SPAG16: variants seen among roughly 807,000 people sequenced by gnomAD.
SPAG16 encodes sperm associated antigen 16, also known as sperm-associated antigen 16 protein.
SPAG16 carries 86 observed loss-of-function variants against 80.4 expected under a neutral mutation model. The ratio of observed to expected loss-of-function variants is 1.07; its 90% CI spans 0.90 to 1.28. SPAG16 has a LOEUF of 1.28. Ranked by LOEUF, SPAG16 falls within the 50% of genes most tolerant of loss-of-function variation. The pLI is 0.00. For missense variants in SPAG16, 870 were observed against 765.3 expected (o/e 1.14, Z -1.61); for synonymous variants, 294 against 265.9 (o/e 1.11, Z -1.03).
intron 6 of SPAG16, among the ~76,000 whole-genome samples, chr2:213,341,060 T>C (rs1208875512): frequency 6.6e-6 from 1 of 152,204 alleles, no homozygotes; most frequent in African/African-American, 2.4e-5. Flanking sequence ...TTAGATTACA[T>C]GTTTTTTTCG....
At position 213,797,005 on chromosome 2, in the gene SPAG16, C is replaced by T. The variant is rs367707564; in HGVS notation, c.1071-65480C>T. Among the ~76,000 whole-genome samples, 6 of 150,450 alleles carry T rather than the reference C, an allele frequency of 4.0e-5. No homozygotes were observed. In the East Asian group the frequency reaches 5.8e-4, roughly 15 times the overall value. ...GATGATCCTGACACGCTGTGTAGGCCTGAGCTAATGTGTACATCTTAAGTT... is the reference window on the plus strand; with the variant it reads ...GATGATCCTGACACGCTGTGTAGGCTTGAGCTAATGTGTACATCTTAAGTT... On this transcript the variant is annotated intron_variant, in intron 10 of 15. Transcript: ENST00000331683.
At chr2:214,125,995 CTTCT>C (rs1374672461) in intron 14 of SPAG16, among the ~76,000 whole-genome samples, 118 of 130,406 alleles carry the variant, frequency 9.0e-4, no homozygotes, top group African/African-American at 3.2e-3. Context: ...CTTTTCCTTC[CTTCT>C]TTCCTTCCTT....
At chr2:213,449,651 A>T (rs1011199858) in intron 9 of SPAG16, among the ~76,000 whole-genome samples, 6 of 152,200 alleles carry the variant, frequency 3.9e-5, no homozygotes, top group African/African-American at 1.4e-4. Context: ...CCCCCAATAG[A>T]TAGGAGGGTG....
intron 14 of SPAG16, among the ~76,000 whole-genome samples, chr2:214,140,237 C>T (rs2055279878): frequency 6.7e-6 from 1 of 149,042 alleles, no homozygotes. Context: ...TCACCAGTTC[C>T]AAACTTGTAA....
chr2:213,628,590 A>G (rs2062038909), intron 10 of SPAG16, among the ~76,000 whole-genome samples: 1 of 152,224 alleles, frequency 6.6e-6, no homozygotes, highest in Non-Finnish European at 1.5e-5. Flanking sequence ...TTTATTTTAC[A>G]TATCATCACA....
Position 213,659,497 on chromosome 2 carries a change from A to G in SPAG16, c.1070+169407A>G, listed in dbSNP as rs775210794. On this transcript the variant is annotated intron_variant, in intron 10 of 15. Transcript: ENST00000331683. ...GTTACATCATTTTTTAAAATATAGC[A>G]TTTTTAAAGTGTCCCAGAGGCTAGA... 7.9e-5 allele frequency among the ~76,000 whole-genome samples: 12 copies of G among 152,254 alleles called. No homozygotes were observed. In the South Asian group the frequency reaches 1.0e-3, roughly 13 times the overall value.
At chr2:213,613,402 C>T (rs1202838430) in intron 10 of SPAG16, among the ~76,000 whole-genome samples, 1 of 152,222 alleles carries the variant, frequency 6.6e-6, no homozygotes, top group Non-Finnish European at 1.5e-5. Flanking sequence ...TCCTAATGCT[C>T]TGCCTCCTTG....
rs567615872 is a variant in SPAG16, at chr2:213,800,930, C to T, written c.1071-61555C>T. On this transcript the variant is annotated intron_variant, in intron 10 of 15. Coordinates refer to ENST00000331683, the MANE Select transcript of SPAG16 (RefSeq NM_024532.5). ...TTAGTCAAATCAAAAAGCAATGAAACTCAAGAACTTTACCATTATATTTCT... is the reference window on the plus strand; with the variant it reads ...TTAGTCAAATCAAAAAGCAATGAAATTCAAGAACTTTACCATTATATTTCT... Among the ~76,000 whole-genome samples, 145 of 152,298 alleles carry T rather than the reference C, an allele frequency of 9.5e-4. 1 individual carries two copies. Among genetic ancestry groups the T allele is most frequent in the African/African-American group, 3.3e-3 (138 of 41,574 alleles).
intron 10 of SPAG16, among the ~76,000 whole-genome samples, chr2:213,695,151 A>G (rs1325614236): frequency 6.6e-6 from 1 of 152,122 alleles, no homozygotes; most frequent in Non-Finnish European, 1.5e-5. Flanking sequence ...TCTTTTACAT[A>G]TCTTTTAACC....
intron 11 of SPAG16, among the ~76,000 whole-genome samples, chr2:213,922,499 C>G (rs2078270438): frequency 6.6e-6 from 1 of 152,062 alleles, no homozygotes; most frequent in African/African-American, 2.4e-5. Flanking sequence ...ATCCTTGTTC[C>G]TGTTCATATT....
chr2:214,326,909 C>T (rs889179194), intron 15 of SPAG16, among the ~76,000 whole-genome samples: 3 of 133,544 alleles, frequency 2.2e-5, no homozygotes, highest in African/African-American at 5.7e-5. Context: ...TGCACCACTG[C>T]GCTCCAGCCT....
At chr2:213,427,417 C>T (rs1303956134) in intron 9 of SPAG16, among the ~76,000 whole-genome samples, 1 of 152,076 alleles carries the variant, frequency 6.6e-6, no homozygotes, top group Non-Finnish European at 1.5e-5. Flanking sequence ...ATATACTTTG[C>T]CTGTAAATTT....
chr2:214,049,912 TATAAC>T (rs372064321), intron 13 of SPAG16, among the ~76,000 whole-genome samples: 30 of 152,360 alleles, frequency 2.0e-4, no homozygotes, highest in South Asian at 6.2e-4. Context: ...AAAAAAGAGA[TATAAC>T]ATATGTTCTG....
In SPAG16 at chr2:214,145,020, T is replaced by C. The variant is rs182214599; in HGVS notation, c.1594-4120T>C. ...CCCGTAATCCTAAAAGTTAGGATAA[T>C]GCCCAAGTTTGAAATATTTGTTTTA... On this transcript the variant is annotated intron_variant, in intron 14 of 15. Coordinates refer to ENST00000331683, the MANE Select transcript of SPAG16 (RefSeq NM_024532.5). Among the ~76,000 whole-genome samples the C allele has an allele frequency of 2.5e-3, 375 of 152,262 alleles. 3 individuals are homozygous for C. The highest frequency in any genetic ancestry group is 8.6e-3 in the African/African-American group (359 of 41,578).
At chr2:213,398,162 CT>C (rs2068136153) in intron 9 of SPAG16, among the ~76,000 whole-genome samples, 1 of 148,458 alleles carries the variant, frequency 6.7e-6, no homozygotes, top group Admixed American at 6.6e-5. Context: ...AGCACTTTTG[CT>C]CTCTGTTTTT....
Position 213,506,396 on chromosome 2 carries a change from A to G in SPAG16, c.1070+16306A>G, listed in dbSNP as rs2074970244. Among the ~76,000 whole-genome samples, 5 of 152,314 alleles carry G rather than the reference A, an allele frequency of 3.3e-5. No individual in the cohort carries two copies. In the South Asian group the frequency reaches 1.0e-3, roughly 32 times the overall value. On this transcript the variant is annotated intron_variant, in intron 10 of 15. Coordinates refer to ENST00000331683, the MANE Select transcript of SPAG16 (RefSeq NM_024532.5). ...ATAAATTTCATAATGCCAGGATATA[A>G]TGTGATAGGTATAAATGCTTTCACT...
At chr2:214,396,102 T>C (rs1477744479) in intron 15 of SPAG16, among the ~76,000 whole-genome samples, 1 of 152,156 alleles carries the variant, frequency 6.6e-6, no homozygotes, top group African/African-American at 2.4e-5. Flanking sequence ...CTGCGACTCA[T>C]CACACTGCTT....
At chr2:213,670,134 A>G (rs946627984) in intron 10 of SPAG16, among the ~76,000 whole-genome samples, 1 of 152,058 alleles carries the variant, frequency 6.6e-6, no homozygotes, top group Middle Eastern at 3.4e-3. Context: ...AGCTGAGACT[A>G]CAGGTGCCTG....
chr2:214,333,981 G>A (rs527311980), intron 15 of SPAG16, among the ~76,000 whole-genome samples: 33 of 152,198 alleles, frequency 2.2e-4, no homozygotes, highest in Middle Eastern at 3.4e-3. Context: ...ATTCTTCCAG[G>A]GCTATTGCCA....
Sources: allele counts gnomAD v4.1 joint callset (sites outside exome capture counted in the v4.1 genomes callset), GRCh38; gene constraint gnomAD v4.1.1; transcripts MANE v1.5; gene names NCBI Gene and HGNC (gene_info 2026-07-23, HGNC 2026-07-21).